The following AGPS variants were observed in gnomAD, a reference collection of about 807,000 sequenced individuals.
The protein encoded by AGPS is alkyldihydroxyacetonephosphate synthase, peroxisomal.
A neutral mutation model predicts 90.7 loss-of-function variants in AGPS; 26 were observed. The ratio of observed to expected loss-of-function variants is 0.29; its 90% CI spans 0.21 to 0.40. The LOEUF (loss-of-function observed/expected upper bound fraction) is 0.40, where lower values mean the gene tolerates loss of function less well. Among genes scored for constraint, AGPS ranks in the 10% least tolerant of loss-of-function variants. The pLI is 1.00. For synonymous variants in AGPS, 294 were observed against 285.3 expected, an observed-to-expected ratio of 1.03 and a Z score of -0.31; for missense variants, 540 against 816.1, an observed-to-expected ratio of 0.66 and a Z score of 4.12.
At chr2:177,511,629 G>GT (rs1260227633) in intron 16 of AGPS, among the ~76,000 whole-genome samples, 1 of 152,138 alleles carries the variant, frequency 6.6e-6, no homozygotes, top group Non-Finnish European at 1.5e-5. Flanking sequence ...GCCCAGGGAA[G>GT]TTTTTTTCAG....
intron 9 of AGPS, among the ~76,000 whole-genome samples, chr2:177,464,320 G>A (rs1687385102): frequency 2.0e-5 from 3 of 152,066 alleles, no homozygotes; most frequent in Non-Finnish European, 4.4e-5. Flanking sequence ...TATATTGTTT[G>A]CTTTTATGAC....
At chr2:177,493,038 G>A (rs1051015862) in intron 11 of AGPS, 110 bp from the exon 12 acceptor site, 32 of 972,342 alleles carry the variant, frequency 3.3e-5, no homozygotes, top group Non-Finnish European at 4.7e-5. Flanking sequence ...TAAATCCTTA[G>A]GAACTAAGCT....
intron 1 of AGPS, among the ~76,000 whole-genome samples, chr2:177,411,946 T>C (rs942614648): frequency 6.6e-6 from 1 of 152,044 alleles, no homozygotes; most frequent in Non-Finnish European, 1.5e-5. Flanking sequence ...AGAGCAGTCC[T>C]CCTAGCCATT....
intron 9 of AGPS, among the ~76,000 whole-genome samples, chr2:177,466,257 C>T (rs1441066851): frequency 2.6e-5 from 4 of 152,210 alleles, no homozygotes; most frequent in African/African-American, 9.6e-5. Flanking sequence ...TGGGTAGCTC[C>T]ATTCTGCAGA....
intron 1 of AGPS, among the ~76,000 whole-genome samples, chr2:177,418,424 G>A (rs1685851567): frequency 6.6e-6 from 1 of 152,036 alleles, no homozygotes; most frequent in Admixed American, 6.6e-5. Context: ...GATTTTCGTT[G>A]TTAAGCTACA....
At chr2:177,484,874 AC>A (rs932327130) in intron 11 of AGPS, among the ~76,000 whole-genome samples, 1 of 152,066 alleles carries the variant, frequency 6.6e-6, no homozygotes, top group African/African-American at 2.4e-5. Flanking sequence ...AGGTGATCCT[AC>A]CACCTCAGCT....
At chr2:177,394,303 T>C (rs1376129864) in intron 1 of AGPS, among the ~76,000 whole-genome samples, 1 of 152,162 alleles carries the variant, frequency 6.6e-6, no homozygotes, top group Non-Finnish European at 1.5e-5. Flanking sequence ...TAACCCAGTT[T>C]TGGGTTTGTG....
chr2:177,462,426 A>C (rs1035375548), intron 9 of AGPS, among the ~76,000 whole-genome samples: 2 of 149,670 alleles, frequency 1.3e-5, no homozygotes, highest in Non-Finnish European at 3.0e-5. Context: ...AAAGAGTTGG[A>C]TGGTAGATTC....
intron 10 of AGPS, among the ~76,000 whole-genome samples, chr2:177,476,903 GTTC>G (rs1211714118): frequency 1.3e-5 from 2 of 152,008 alleles, no homozygotes; most frequent in African/African-American, 2.4e-5. Flanking sequence ...ATTATAAAAT[GTTC>G]TTCTTTATAG....
intron 2 of AGPS, among the ~76,000 whole-genome samples, chr2:177,424,049 C>T (rs1328351653): frequency 1.3e-5 from 2 of 152,022 alleles, no homozygotes; most frequent in South Asian, 2.1e-4. Flanking sequence ...CAACCCATCC[C>T]CTTGGTTATT....
intron 19 of AGPS, among the ~76,000 whole-genome samples, chr2:177,527,961 A>G (rs549946938): frequency 3.5e-4 from 53 of 152,358 alleles, no homozygotes; most frequent in African/African-American, 1.2e-3. Flanking sequence ...TAGAAAAAGA[A>G]ACTTTGATAA....
intron 12 of AGPS, among the ~76,000 whole-genome samples, chr2:177,495,917 C>CAAAAAAA (rs57571340): frequency 1.1e-5 from 1 of 93,184 alleles, no homozygotes; most frequent in Non-Finnish European, 2.1e-5. Context: ...GACTCTGTCT[C>CAAAAAAA]AAAAAAAAAA....
chr2:177,410,538 G>C (rs985123013), intron 1 of AGPS, among the ~76,000 whole-genome samples: 2 of 152,136 alleles, frequency 1.3e-5, no homozygotes, highest in Non-Finnish European at 1.5e-5. Flanking sequence ...CCCTAACAAA[G>C]GAGTGGGGCT....
At chr2:177,461,753 T>G in intron 8 of AGPS, 140 bp from the exon 9 acceptor site, 1 of 638,838 alleles carries the variant, frequency 1.6e-6, no homozygotes, top group Non-Finnish European at 2.3e-6. Context: ...AGTATCTTTT[T>G]TTTTTTTTTT....
chr2:177,484,764 T>G (rs944872372), intron 11 of AGPS, among the ~76,000 whole-genome samples: 5 of 152,092 alleles, frequency 3.3e-5, no homozygotes, highest in African/African-American at 7.2e-5. Context: ...GAATGCCAAA[T>G]TAGATTTTTC....
chr2:177,464,646 A>G (rs1687395674), intron 9 of AGPS, among the ~76,000 whole-genome samples: 1 of 152,238 alleles, frequency 6.6e-6, no homozygotes, highest in Non-Finnish European at 1.5e-5. Context: ...TCCATCTCAA[A>G]TACTTCTCAA....
intron 19 of AGPS, among the ~76,000 whole-genome samples, chr2:177,527,024 C>G (rs1218328787): frequency 1.3e-5 from 2 of 152,146 alleles, no homozygotes; most frequent in Non-Finnish European, 2.9e-5. Context: ...GTCTTCCTGC[C>G]TCAGTATCCT....
At chr2:177,431,381 CG>C (rs1180384057) in intron 2 of AGPS, among the ~76,000 whole-genome samples, 1 of 152,120 alleles carries the variant, frequency 6.6e-6, no homozygotes, top group African/African-American at 2.4e-5. Flanking sequence ...GGTCTGTGTT[CG>C]GCTGTGCACG....
intron 1 of AGPS, among the ~76,000 whole-genome samples, chr2:177,419,332 T>C (rs964308624): frequency 6.6e-6 from 1 of 151,904 alleles, no homozygotes; most frequent in Admixed American, 6.6e-5. Flanking sequence ...ACTTTCAAGA[T>C]AGAAAAGGGT....
Sources: gnomAD v4.1 joint callset for allele counts (sites outside exome capture counted in the v4.1 genomes callset) on GRCh38, gnomAD v4.1.1 for gene constraint, MANE v1.5 for transcripts, NCBI Gene and HGNC (gene_info 2026-07-23, HGNC 2026-07-21) for gene names.